Variants in ETS1 observed in about 807,000 individuals in gnomAD.
ETS1 encodes the protein ETS proto-oncogene 1, transcription factor.
Under a neutral mutation model 58.6 loss-of-function variants are expected in ETS1, and 15 were observed. The ratio of observed to expected loss-of-function variants is 0.26; its 90% confidence interval spans 0.17 to 0.39. The LOEUF is 0.39. Ranked by LOEUF, ETS1 falls within the 10% of genes least tolerant of loss-of-function variation. ETS1 has a pLI of 1.00. For missense variants in ETS1, 417 were observed against 610.5 expected, an observed-to-expected ratio of 0.68 and a Z score of 3.34; for synonymous variants, 214 against 218.2, an observed-to-expected ratio of 0.98 and a Z score of 0.17.
chr11:128,523,183 A>C (rs1403559384), intron 3 of ETS1, among the ~76,000 whole-genome samples: 1 of 152,206 alleles, frequency 6.6e-6, no homozygotes, highest in East Asian at 1.9e-4. Context: ...GCCACCAAAA[A>C]AGTGATGCAG....
At chr11:128,572,404 G>A (rs1864655514) in intron 2 of ETS1, 1 of 152,114 alleles carries the variant, frequency 6.6e-6, no homozygotes, top group Admixed American at 6.5e-5. Context: ...TGACACAGCT[G>A]CTGATATTAG....
chr11:128,476,312 CATATAGTGTTCATTAGTGACA>C (rs2091796537), intron 8 of ETS1, among the ~76,000 whole-genome samples: 1 of 152,224 alleles, frequency 6.6e-6, no homozygotes, highest in South Asian at 2.1e-4. Context: ...AACCCACATG[CATATAGTGTTCATTAGTGACA>C]AGAGGGAGAT....
Position 128,464,511 on chromosome 11 carries a change from A to G in ETS1, c.1124-884T>C, listed in dbSNP as rs535372661. The stretch of plus-strand genomic sequence containing the variant: ...TCTCATCTGAAATGACAATGCCACC[A>G]GTGATTCTTAATTTATAGGTGTCGG... On this transcript the variant is annotated intron_variant, in intron 8 of 9. Coordinates refer to ENST00000392668, the MANE Select transcript of ETS1 (RefSeq NM_001143820.2). This position sits in a 1 kb window ranked among gnomAD's most constrained non-coding sequence, Gnocchi z 4.1. 2.2e-4 allele frequency among the ~76,000 whole-genome samples: 33 copies of G among 152,260 alleles called. No individual in the cohort carries two copies. Among genetic ancestry groups the G allele is most frequent in the Admixed American group, 1.9e-3 (29 of 15,306 alleles).
chr11:128,514,088 C>G (rs1032369900), intron 3 of ETS1, among the ~76,000 whole-genome samples: 1 of 152,146 alleles, frequency 6.6e-6, no homozygotes, highest in Non-Finnish European at 1.5e-5. Flanking sequence ...AAACACTCAC[C>G]AGGCTTAGCA....
intron 2 of ETS1, among the ~76,000 whole-genome samples, chr11:128,571,539 A>C (rs1300282783): frequency 1.4e-5 from 2 of 140,470 alleles, no homozygotes; most frequent in South Asian, 2.3e-4. Context: ...AAAAAAAAAA[A>C]AAAACTTCAA....
rs1399054366 is a variant in ETS1 at position 128,461,565 on chromosome 11, C to T, written c.*796G>A. The T allele has an allele frequency of 6.6e-6, 1 of 152,662 alleles. No individual in the cohort carries two copies. Among genetic ancestry groups the T allele is most frequent in the Non-Finnish European group, 1.5e-5 (1 of 68,030 alleles). The allele number at this position is 152,662 out of a possible 1,614,324, so 9.5% of individuals were successfully genotyped here. On this transcript the variant is annotated 3_prime_UTR_variant, in exon 10 of 10. Transcript: ENST00000392668. ...CATAATTCCCCTGTACCCAAATCAG[C>T]ATTAATTGTCCTTCTTATATAAGTC...
intron 3 of ETS1, among the ~76,000 whole-genome samples, chr11:128,533,375 A>C (rs1008827238): frequency 6.6e-6 from 1 of 152,146 alleles, no homozygotes; most frequent in Non-Finnish European, 1.5e-5. Flanking sequence ...AGATTTCTAA[A>C]AACAGGATGC....
intron 2 of ETS1, among the ~76,000 whole-genome samples, chr11:128,559,399 C>T (rs909432633): frequency 1.3e-5 from 2 of 152,238 alleles, no homozygotes; most frequent in African/African-American, 4.8e-5. Flanking sequence ...CTTTGAGTAA[C>T]AACCATGCAC....
At chr11:128,522,016 A>G in intron 3 of ETS1, 1 of 1,573,620 alleles carries the variant, frequency 6.4e-7, no homozygotes. Context: ...TGGGGGACGT[A>G]CGGGATGGTA....
At chr11:128,519,599 A>T (rs561851291) in intron 3 of ETS1, among the ~76,000 whole-genome samples, 2 of 152,256 alleles carry the variant, frequency 1.3e-5, no homozygotes, top group Non-Finnish European at 2.9e-5. Flanking sequence ...AAAAGCAGAC[A>T]GCCCTGGCCA....
At chr11:128,585,210 GAAA>G (rs1865001163) in intron 1 of ETS1, among the ~76,000 whole-genome samples, 1 of 106,598 alleles carries the variant, frequency 9.4e-6, no homozygotes, top group East Asian at 2.9e-4. Flanking sequence ...AAGAAAGAAA[GAAA>G]GAAAGAAAGA....
At chr11:128,473,682 A>T (rs1367936678) in intron 8 of ETS1, among the ~76,000 whole-genome samples, 1 of 152,172 alleles carries the variant, frequency 6.6e-6, no homozygotes, top group Non-Finnish European at 1.5e-5. Context: ...TGAGTGCTCC[A>T]ACCTGCAGGC....
At chr11:128,571,161 G>A (rs1864618994) in intron 2 of ETS1, among the ~76,000 whole-genome samples, 1 of 151,992 alleles carries the variant, frequency 6.6e-6, no homozygotes, top group South Asian at 2.1e-4. Flanking sequence ...GGGCGCGGTG[G>A]CTCACGCTTG....
chr11:128,580,492 A>T (rs995787114), intron 1 of ETS1, among the ~76,000 whole-genome samples: 3 of 152,154 alleles, frequency 2.0e-5, no homozygotes, highest in Admixed American at 6.5e-5. Context: ...AACATTCCTT[A>T]CTCCCCATGG....
chr11:128,585,369 C>T (rs1317678708), intron 1 of ETS1, among the ~76,000 whole-genome samples: 1 of 136,600 alleles, frequency 7.3e-6, no homozygotes, highest in African/African-American at 2.9e-5. Flanking sequence ...GGAAGGGTCC[C>T]AGCTCGTGGG....
At chr11:128,497,111 CT>C (rs1345949455) in intron 3 of ETS1, among the ~76,000 whole-genome samples, 1 of 152,150 alleles carries the variant, frequency 6.6e-6, no homozygotes, top group African/African-American at 2.4e-5. Context: ...ATACCTAACC[CT>C]TTCGAAGTCA....
intron 3 of ETS1, among the ~76,000 whole-genome samples, chr11:128,552,770 G>A (rs1864251993): frequency 6.6e-6 from 1 of 152,168 alleles, no homozygotes; most frequent in African/African-American, 2.4e-5. Context: ...TGTCGGTTTT[G>A]GAAAACAGGC....
intron 2 of ETS1, among the ~76,000 whole-genome samples, chr11:128,562,609 C>A (rs1257876298): frequency 2.6e-5 from 4 of 152,116 alleles, no homozygotes; most frequent in African/African-American, 9.7e-5. Flanking sequence ...ATGCTCCACC[C>A]ATCTAATCCT....
intron 8 of ETS1, among the ~76,000 whole-genome samples, chr11:128,476,085 C>A (rs1862315961): frequency 6.6e-6 from 1 of 152,154 alleles, no homozygotes; most frequent in Admixed American, 6.5e-5. Flanking sequence ...ACAAGAAAAT[C>A]ACTTCATTCA....
Sources: allele counts gnomAD v4.1 joint callset (sites outside exome capture counted in the v4.1 genomes callset), GRCh38; gene constraint gnomAD v4.1.1; non-coding constraint Gnocchi (gnomAD v3.1); transcripts MANE v1.5; gene names NCBI Gene and HGNC (gene_info 2026-07-23, HGNC 2026-07-21).